The following HIP1 variants were observed in gnomAD, a reference collection of about 807,000 sequenced individuals.
The protein encoded by HIP1 is huntingtin interacting protein 1, also known as huntingtin-interacting protein 1.
A neutral mutation model predicts 147.6 loss-of-function variants in HIP1; 65 were observed. The observed-to-expected ratio is 0.44, with a 90% confidence interval of 0.36 to 0.54. The LOEUF is 0.54. HIP1 is among the 20% of genes least tolerant of loss of function. The pLI is 0.00. For synonymous variants in HIP1, 479 were observed against 504.0 expected, an observed-to-expected ratio of 0.95 and a Z score of 0.67; for missense variants, 1,061 against 1,299.6, an observed-to-expected ratio of 0.82 and a Z score of 2.82.
chr7:75,629,720 T>G (rs1798151986), intron 1 of HIP1, among the ~76,000 whole-genome samples: 1 of 152,114 alleles, frequency 6.6e-6, no homozygotes, highest in South Asian at 2.1e-4. Context: ...TTTTGTATTT[T>G]TAGTAGAGAC....
chr7:75,580,728 G>C (rs1796009291), intron 7 of HIP1, among the ~76,000 whole-genome samples: 1 of 151,876 alleles, frequency 6.6e-6, no homozygotes, highest in African/African-American at 2.4e-5. Flanking sequence ...GACAGAGTGA[G>C]ACCTTCTCTC....
intron 12 of HIP1, 101 bp from the exon 13 acceptor site, chr7:75,561,502 G>T: frequency 1.3e-6 from 1 of 797,256 alleles, no homozygotes; most frequent in South Asian, 1.4e-5. Context: ...TATTAATTTG[G>T]GGACAATTCT....
At chr7:75,728,783 G>C (rs1219771392) in intron 1 of HIP1, among the ~76,000 whole-genome samples, 1 of 110,304 alleles carries the variant, frequency 9.1e-6, no homozygotes, top group African/African-American at 3.6e-5. Context: ...GCGAGACTCT[G>C]TCTCAAAAAA....
chr7:75,546,921 GCCCACAC>G lies in HIP1; in HGVS notation c.2559+11_2559+17del. The G allele has an allele frequency of 6.5e-7, 1 of 1,535,870 alleles. No homozygotes were observed. On this transcript the variant is annotated intron_variant, in intron 25 of 30. Transcript: ENST00000336926. ...CCAATGCCTCCTCTTCCTGCCCAGG[GCCCACAC>G]CCACGCTCACCCTGCCGCTCTCCAC...
chr7:75,662,403 C>T (rs1430114521), intron 1 of HIP1, among the ~76,000 whole-genome samples: 3 of 152,120 alleles, frequency 2.0e-5, no homozygotes, highest in African/African-American at 4.8e-5. Context: ...GTCTCAAACT[C>T]CTGGTCTCAA....
At chr7:75,736,367 G>C (rs1256670744) in intron 1 of HIP1, among the ~76,000 whole-genome samples, 1 of 151,840 alleles carries the variant, frequency 6.6e-6, no homozygotes, top group Non-Finnish European at 1.5e-5. Context: ...TGAGACTCTA[G>C]AAGGAACGGG....
At chr7:75,587,926 CA>C (rs1405815628) in intron 4 of HIP1, among the ~76,000 whole-genome samples, 2 of 152,090 alleles carry the variant, frequency 1.3e-5, no homozygotes, top group African/African-American at 4.8e-5. Context: ...ATCATGTCAC[CA>C]TTCCTCCAGC....
chr7:75,589,683 CAAAAAAAAAAAAAAAAA>C lies in HIP1; in HGVS notation c.384+2356_384+2372del, dbSNP rs1159535613. On this transcript the variant is annotated intron_variant, in intron 4 of 30. Coordinates refer to ENST00000336926, the MANE Select transcript of HIP1 (RefSeq NM_005338.7). ...AGGCAACAGAGCAAGACTCTGTCTC[CAAAAAAAAAAAAAAAAA>C]AAAAAAAAAAAAAAAGACTTTTTTT... is the stretch of plus-strand genomic sequence containing the variant. Among the ~76,000 whole-genome samples the C allele has an allele frequency of 2.3e-3, 112 of 49,636 alleles. 1 individual carries two copies. The highest frequency in any genetic ancestry group is 9.2e-3 in the African/African-American group (105 of 11,460). 32.6% of individuals were successfully genotyped at this position (49,636 alleles called of 152,430 possible).
rs576410784 is a variant in HIP1 at position 75,698,870 on chromosome 7, A to G, written c.120+39931T>C. Among the ~76,000 whole-genome samples the G allele has an allele frequency of 7.2e-5, 11 of 152,188 alleles. 1 individual carries two copies. The South Asian group carries it at 2.3e-3, about 32-fold the overall frequency. ...CAAGGAGCGAGGAAGATAATATTCCAATATATTTGTATTCACTTGTAGGTA... is the reference window on the plus strand; with the variant it reads ...CAAGGAGCGAGGAAGATAATATTCCGATATATTTGTATTCACTTGTAGGTA... On this transcript the variant is annotated intron_variant, in intron 1 of 30. Coordinates refer to ENST00000336926, the MANE Select transcript of HIP1 (RefSeq NM_005338.7).
intron 1 of HIP1, among the ~76,000 whole-genome samples, chr7:75,644,499 T>C (rs1361800475): frequency 3.9e-5 from 6 of 152,136 alleles, no homozygotes; most frequent in African/African-American, 1.4e-4. Flanking sequence ...TTCACCATGT[T>C]GGCCAGGCTG....
chr7:75,573,415 T>C (rs1795721443), intron 8 of HIP1, among the ~76,000 whole-genome samples: 1 of 152,288 alleles, frequency 6.6e-6, no homozygotes, highest in East Asian at 1.9e-4. Flanking sequence ...CCTCTTCATC[T>C]TGTCCACCCT....
Position 75,544,217 on chromosome 7 carries a change from C to A in HIP1, c.2766+478G>T, listed in dbSNP as rs1243482167. Among the ~76,000 whole-genome samples, 6 of 151,604 alleles carry A rather than the reference C, an allele frequency of 4.0e-5. No individual in the cohort carries two copies. In the East Asian group the frequency reaches 1.2e-3, roughly 29 times the overall value. ...CCTCTGTAAGAGGATAGTATGGGAC[C>A]CTTAACAGGGTGAATTTTTATTTGG... On this transcript the variant is annotated intron_variant, in intron 27 of 30. Transcript: ENST00000336926.
At chr7:75,550,820 C>T (rs1794754439) in intron 22 of HIP1, among the ~76,000 whole-genome samples, 1 of 152,122 alleles carries the variant, frequency 6.6e-6, no homozygotes. Context: ...TTTTCCATGA[C>T]TTGATTTTTC....
At chr7:75,728,254 ATT>A (rs1801716037) in intron 1 of HIP1, among the ~76,000 whole-genome samples, 1 of 152,206 alleles carries the variant, frequency 6.6e-6, no homozygotes, top group Non-Finnish European at 1.5e-5. Flanking sequence ...AAAAGATGCC[ATT>A]CTCTCTTCCT....
Position 75,651,150 on chromosome 7 carries a change from C to T in HIP1, c.121-51903G>A, listed in dbSNP as rs1371343091. Among the ~76,000 whole-genome samples the T allele has an allele frequency of 4.6e-5, 7 of 151,692 alleles. No homozygotes were observed. The East Asian group carries it at 5.8e-4, about 13-fold the overall frequency. On this transcript the variant is annotated intron_variant, in intron 1 of 30. Transcript: ENST00000336926. ...TGGGGGGACTCAGTCCGCATGAAAA[C>T]GGGGGAGGGTGAGAGGGTCTTCAAA...
At chr7:75,585,683 A>G (rs1179819903) in intron 5 of HIP1, among the ~76,000 whole-genome samples, 1 of 151,570 alleles carries the variant, frequency 6.6e-6, no homozygotes, top group African/African-American at 2.4e-5. Flanking sequence ...GCCCAGCCTC[A>G]GTTCTGGTTT....
intron 2 of HIP1, among the ~76,000 whole-genome samples, chr7:75,595,232 C>CTTTCT (rs1796663774): frequency 9.0e-6 from 1 of 110,974 alleles, no homozygotes; most frequent in South Asian, 3.2e-4. Context: ...TTCTTTCTTT[C>CTTTCT]TTTCTTTCTT....
intron 22 of HIP1, among the ~76,000 whole-genome samples, chr7:75,551,311 C>A (rs1363467050): frequency 4.8e-5 from 7 of 145,922 alleles, no homozygotes; most frequent in Non-Finnish European, 7.4e-5. Context: ...GATTATCCTG[C>A]CTCAGCCTCT....
chr7:75,642,306 G>C (rs1798674531), intron 1 of HIP1, among the ~76,000 whole-genome samples: 1 of 152,224 alleles, frequency 6.6e-6, no homozygotes, highest in African/African-American at 2.4e-5. Context: ...GGGAGGCTGA[G>C]GCGGGAGGAT....
Sources: allele counts gnomAD v4.1 joint callset (sites outside exome capture counted in the v4.1 genomes callset), GRCh38; gene constraint gnomAD v4.1.1; transcripts MANE v1.5; gene names NCBI Gene and HGNC (gene_info 2026-07-23, HGNC 2026-07-21).